The following CTNNA3 variants were observed in gnomAD, a reference collection of about 807,000 sequenced individuals.
The protein encoded by CTNNA3 is catenin alpha 3.
A neutral mutation model predicts 95.7 loss-of-function variants in CTNNA3; 76 were observed. The ratio of observed to expected loss-of-function variants is 0.79; its 90% CI spans 0.66 to 0.96. The LOEUF (loss-of-function observed/expected upper bound fraction) is 0.96. Ranked by LOEUF, CTNNA3 falls within the 40% of genes least tolerant of loss-of-function variation. The probability of loss-of-function intolerance (pLI) is 0.00; values close to 1 mark genes in which losing one functional copy is unlikely to be tolerated. For synonymous variants in CTNNA3, 431 were observed against 374.4 expected (o/e 1.15, Z -1.74); for missense variants, 1,191 against 1,089.8 (o/e 1.09, Z -1.31).
intron 9 of CTNNA3, among the ~76,000 whole-genome samples, chr10:66,702,432 T>C (rs1450009259): frequency 1.3e-5 from 2 of 151,896 alleles, no homozygotes; most frequent in Admixed American, 1.3e-4. Context: ...TTAACAATGG[T>C]TTTTGTCTTA....
At chr10:67,471,205 C>T (rs1847809666) in intron 5 of CTNNA3, among the ~76,000 whole-genome samples, 1 of 152,152 alleles carries the variant, frequency 6.6e-6, no homozygotes, top group Admixed American at 6.5e-5. Context: ...CATCCCTGGC[C>T]TCTACATGGT....
At chr10:67,616,972 C>G (rs937015832) in intron 2 of CTNNA3, among the ~76,000 whole-genome samples, 2 of 152,054 alleles carry the variant, frequency 1.3e-5, no homozygotes, top group African/African-American at 4.8e-5. Flanking sequence ...CTTTGAGAAA[C>G]CCCAACAATT....
At chr10:66,986,230 G>C (rs1850721581) in intron 7 of CTNNA3, among the ~76,000 whole-genome samples, 1 of 152,098 alleles carries the variant, frequency 6.6e-6, no homozygotes, top group African/African-American at 2.4e-5. Flanking sequence ...GGGCATGGTG[G>C]CTCGTACCTG....
intron 11 of CTNNA3, among the ~76,000 whole-genome samples, chr10:66,423,071 C>A (rs1438947300): frequency 6.6e-6 from 1 of 152,132 alleles, no homozygotes; most frequent in African/African-American, 2.4e-5. Context: ...AACTCCAACT[C>A]TCATCTTCTC....
intron 7 of CTNNA3, among the ~76,000 whole-genome samples, chr10:66,804,089 A>G (rs1351185160): frequency 6.6e-6 from 1 of 151,450 alleles, no homozygotes; most frequent in Non-Finnish European, 1.5e-5. Flanking sequence ...TGTCTAGTTT[A>G]TTGTTTTTCC....
At chr10:66,790,406 G>A (rs1308747499) in intron 7 of CTNNA3, among the ~76,000 whole-genome samples, 4 of 152,032 alleles carry the variant, frequency 2.6e-5, no homozygotes, top group African/African-American at 4.8e-5. Context: ...ACAGTGAGCC[G>A]AGATTGCACC....
intron 5 of CTNNA3, among the ~76,000 whole-genome samples, chr10:67,402,963 C>A (rs1180782216): frequency 6.6e-6 from 1 of 152,214 alleles, no homozygotes; most frequent in African/African-American, 2.4e-5. Flanking sequence ...ATTTCCAAGG[C>A]ACCTCACAAA....
intron 3 of CTNNA3, among the ~76,000 whole-genome samples, chr10:67,560,162 A>G (rs557336101): frequency 4.8e-4 from 73 of 152,270 alleles, no homozygotes; most frequent in African/African-American, 1.7e-3. Flanking sequence ...CCTCGAGAAG[A>G]GCAACTCCAA....
At chr10:67,630,836 A>G (rs1839122243) in intron 2 of CTNNA3, among the ~76,000 whole-genome samples, 1 of 152,226 alleles carries the variant, frequency 6.6e-6, no homozygotes. Flanking sequence ...AACACATTAT[A>G]AAGAGTTTGT....
intron 10 of CTNNA3, among the ~76,000 whole-genome samples, chr10:66,608,563 T>TA (rs1024480869): frequency 5.3e-5 from 8 of 151,502 alleles, no homozygotes; most frequent in Admixed American, 1.3e-4. Context: ...AGCACTACAG[T>TA]AAAAAAACAG....
At position 67,701,251 on chromosome 10, in the gene CTNNA3, T is replaced by A. The variant is rs574056946; in HGVS notation, c.-1-53737A>T. 3.3e-5 allele frequency among the ~76,000 whole-genome samples: 5 copies of A among 152,040 alleles called. No individual in the cohort carries two copies. In the East Asian group the frequency reaches 9.6e-4, roughly 29 times the overall value. ...CCCAATCTAGCAAGGCAGGCCAACA[T>A]TCAGACTCAGGAAATACAGAGAATG... On this transcript the variant is annotated intron_variant, in intron 1 of 17. Transcript: ENST00000684154.
chr10:67,383,221 T>C (rs1237990006), intron 5 of CTNNA3, among the ~76,000 whole-genome samples: 1 of 152,176 alleles, frequency 6.6e-6, no homozygotes, highest in African/African-American at 2.4e-5. Flanking sequence ...TTGTTTAAAA[T>C]AAATTTCTAA....
chr10:67,088,375 C>T (rs1190748683), intron 7 of CTNNA3, among the ~76,000 whole-genome samples: 2 of 151,726 alleles, frequency 1.3e-5, no homozygotes, highest in African/African-American at 2.4e-5. Flanking sequence ...TGCATATAGC[C>T]AATCCATATT....
At chr10:66,252,614 T>C (rs2090603872) in intron 13 of CTNNA3, among the ~76,000 whole-genome samples, 1 of 152,192 alleles carries the variant, frequency 6.6e-6, no homozygotes, top group Non-Finnish European at 1.5e-5. Flanking sequence ...GAATACCTAA[T>C]TCGTAAACTG....
intron 7 of CTNNA3, among the ~76,000 whole-genome samples, chr10:66,789,518 T>A (rs1638731407): frequency 6.6e-6 from 1 of 152,144 alleles, no homozygotes. Flanking sequence ...GATGCATAGA[T>A]TAATGACATC....
At chr10:67,531,723 G>A (rs1352876621) in intron 4 of CTNNA3, among the ~76,000 whole-genome samples, 1 of 152,168 alleles carries the variant, frequency 6.6e-6, no homozygotes, top group Non-Finnish European at 1.5e-5. Context: ...GTGAGGACAT[G>A]AGATTTGGGA....
intron 15 of CTNNA3, among the ~76,000 whole-genome samples, chr10:66,053,388 A>T (rs2080004678): frequency 6.6e-6 from 1 of 151,922 alleles, no homozygotes; most frequent in African/African-American, 2.4e-5. Flanking sequence ...TTGTGGGTAC[A>T]TAGTAGATGT....
chr10:65,929,300 C>A (rs1001955410), intron 17 of CTNNA3, among the ~76,000 whole-genome samples: 2 of 152,096 alleles, frequency 1.3e-5, no homozygotes, highest in Non-Finnish European at 2.9e-5. Flanking sequence ...TAAAAACTAA[C>A]TTCTTGAGAA....
chr10:67,098,867 TG>T (rs1378781870), intron 7 of CTNNA3: 2 of 151,922 alleles, frequency 1.3e-5, no homozygotes, highest in Non-Finnish European at 2.9e-5. Flanking sequence ...AAAATGTGCC[TG>T]GTTCTTAAGA....
Sources: allele counts gnomAD v4.1 joint callset (sites outside exome capture counted in the v4.1 genomes callset), GRCh38; gene constraint gnomAD v4.1.1; transcripts MANE v1.5; gene names NCBI Gene and HGNC (gene_info 2026-07-23, HGNC 2026-07-21).